The following TDRP variants were observed in gnomAD, a reference collection of about 807,000 sequenced individuals.
TDRP encodes the protein testis development-related protein.
A neutral mutation model predicts 10.5 loss-of-function variants in TDRP; 12 were observed. That is an observed-to-expected ratio of 1.15 (90% CI 0.73 to 1.86). TDRP has a LOEUF of 1.86. Among genes scored for constraint, TDRP ranks in the 40% most tolerant of loss-of-function variants. The pLI, the probability that TDRP is intolerant of heterozygous loss-of-function variation, is 0.00. For missense variants in TDRP, 353 were observed against 229.2 expected (o/e 1.54, Z -3.49); for synonymous variants, 139 against 95.4 (o/e 1.46, Z -2.67).
intron 1 of TDRP, among the ~76,000 whole-genome samples, chr8:503,104 C>CCA (rs1801351014): frequency 6.6e-6 from 1 of 152,052 alleles, no homozygotes; most frequent in African/African-American, 2.4e-5. Context: ...GAATCCAAAG[C>CCA]CACACACTGG....
chr8:511,210 A>T (rs978389719), intron 1 of TDRP, among the ~76,000 whole-genome samples: 1 of 152,220 alleles, frequency 6.6e-6, no homozygotes, highest in Non-Finnish European at 1.5e-5. Context: ...TTTAAAATAC[A>T]ATCCAACTAA....
At position 490,359 on chromosome 8, in the gene TDRP, G is replaced by C. The variant is rs1800933991; in HGVS notation, c.*2040C>G. On this transcript the variant is annotated 3_prime_UTR_variant, in exon 3 of 3. Coordinates refer to ENST00000324079, the MANE Select transcript of TDRP (RefSeq NM_001384899.1). ...GTTTGTCCTCAAATTTTGAGAAATA[G>C]CATAAAGAACTATTTTGCCAACTGT... 1.3e-5 allele frequency: 2 copies of C among 152,180 alleles called. No individual in the cohort carries two copies. The highest frequency in any genetic ancestry group is 2.4e-5 in the African/African-American group (1 of 41,454). 9.4% of individuals were successfully genotyped at this position (152,180 alleles called of 1,614,324 possible).
At chr8:521,729 T>C (rs1327716396) in intron 1 of TDRP, among the ~76,000 whole-genome samples, 10 of 152,208 alleles carry the variant, frequency 6.6e-5, no homozygotes, top group Non-Finnish European at 2.9e-5. Context: ...TTCAGGTCAT[T>C]TGAGATTCTA....
chr8:534,192 T>G (rs1352661769), intron 1 of TDRP, among the ~76,000 whole-genome samples: 1 of 152,244 alleles, frequency 6.6e-6, no homozygotes, highest in Non-Finnish European at 1.5e-5. Context: ...TACAAGGTTG[T>G]AACTTTACAC....
At chr8:504,367 C>T (rs1014362899) in intron 1 of TDRP, among the ~76,000 whole-genome samples, 1 of 152,098 alleles carries the variant, frequency 6.6e-6, no homozygotes, top group African/African-American at 2.4e-5. Flanking sequence ...TGAGTTTTAA[C>T]CTGGGGGTGC....
At chr8:517,804 G>C (rs1801796521) in intron 1 of TDRP, among the ~76,000 whole-genome samples, 1 of 152,196 alleles carries the variant, frequency 6.6e-6, no homozygotes, top group African/African-American at 2.4e-5. Flanking sequence ...ATTTTACAGA[G>C]TTTGGATTTT....
intron 1 of TDRP, among the ~76,000 whole-genome samples, chr8:517,721 G>A (rs1413032985): frequency 3.3e-5 from 5 of 152,120 alleles, no homozygotes; most frequent in Non-Finnish European, 2.9e-5. Context: ...ACAACCTTGG[G>A]TACATGTTCT....
intron 1 of TDRP, among the ~76,000 whole-genome samples, chr8:531,303 G>A (rs374478487): frequency 6.6e-6 from 1 of 152,144 alleles, no homozygotes; most frequent in Admixed American, 6.5e-5. Context: ...GTCAGAGTCC[G>A]TGGGGGAACA....
chr8:493,669 C>G (rs1238777068), intron 2 of TDRP, among the ~76,000 whole-genome samples: 1 of 152,216 alleles, frequency 6.6e-6, no homozygotes, highest in Admixed American at 6.5e-5. Context: ...TTCTGAAACA[C>G]TGATGATAAA....
At chr8:494,451 C>T (rs1405207362) in intron 2 of TDRP, 43 bp downstream of exon 2, 2 of 1,574,632 alleles carry the variant, frequency 1.3e-6, no homozygotes, top group Non-Finnish European at 1.7e-6. Flanking sequence ...GTGACTTCCT[C>T]CCTCTCCTGA....
At chr8:515,281 G>GA (rs969810209) in intron 1 of TDRP, among the ~76,000 whole-genome samples, 4 of 152,020 alleles carry the variant, frequency 2.6e-5, no homozygotes, top group African/African-American at 9.7e-5. Flanking sequence ...CATTCAGACA[G>GA]AAAAAAATGT....
chr8:542,397 T>C (rs1162198151), intron 1 of TDRP, among the ~76,000 whole-genome samples: 1 of 151,816 alleles, frequency 6.6e-6, no homozygotes, highest in Non-Finnish European at 1.5e-5. Flanking sequence ...CCCGTGTAGG[T>C]CCACAGATTG....
In TDRP at chr8:528,404, C is replaced by G. The variant is rs975449503; in HGVS notation, c.108+16246G>C. Among the ~76,000 whole-genome samples, 9 of 130,972 alleles carry G rather than the reference C, an allele frequency of 6.9e-5. 2 individuals are homozygous for G. Among genetic ancestry groups the G allele is most frequent in the African/African-American group, 1.3e-4 (5 of 37,922 alleles). 85.9% of individuals were successfully genotyped at this position (130,972 alleles called of 152,430 possible). A position where few individuals can be genotyped will look rare whatever the true frequency, so the allele number is the denominator to read the frequency against. Reference sequence around the variant, plus strand: ...ACCATAGGATCCAGCAATCCCACTGCTAGATATATACCCAAAAGAAAGGAA... The same window carrying G: ...ACCATAGGATCCAGCAATCCCACTGGTAGATATATACCCAAAAGAAAGGAA... On this transcript the variant is annotated intron_variant, in intron 1 of 2. Transcript: ENST00000324079.
At chr8:518,706 T>G (rs938881735) in intron 1 of TDRP, among the ~76,000 whole-genome samples, 1 of 152,114 alleles carries the variant, frequency 6.6e-6, no homozygotes, top group East Asian at 1.9e-4. Context: ...AAGAAATTCC[T>G]TTCTAAGCCT....
intron 1 of TDRP, among the ~76,000 whole-genome samples, chr8:504,149 C>T (rs1801388597): frequency 6.6e-6 from 1 of 152,360 alleles, no homozygotes; most frequent in Admixed American, 6.5e-5. Context: ...GACCGCAGCC[C>T]TGTCACTGGT....
intron 1 of TDRP, among the ~76,000 whole-genome samples, chr8:532,217 T>A (rs1056668799): frequency 9.9e-5 from 15 of 152,208 alleles, no homozygotes; most frequent in East Asian, 3.9e-4. Context: ...GGAAGGTGCC[T>A]GTGTTGCATC....
chr8:537,690 T>G (rs897535286), intron 1 of TDRP, among the ~76,000 whole-genome samples: 1 of 152,118 alleles, frequency 6.6e-6, no homozygotes, highest in Non-Finnish European at 1.5e-5. Flanking sequence ...AGTCGAATGC[T>G]AAATTAGCCT....
intron 1 of TDRP, among the ~76,000 whole-genome samples, chr8:525,889 C>A (rs1030668393): frequency 2.6e-5 from 4 of 152,082 alleles, no homozygotes; most frequent in African/African-American, 9.7e-5. Context: ...ATTAGTATTT[C>A]TTTAAATGTT....
intron 1 of TDRP, among the ~76,000 whole-genome samples, chr8:509,057 G>C (rs938548111): frequency 2.6e-5 from 4 of 152,230 alleles, no homozygotes; most frequent in Non-Finnish European, 5.9e-5. Context: ...CACACAACCA[G>C]CTCGTGCTGA....
Sources: allele counts gnomAD v4.1 joint callset (sites outside exome capture counted in the v4.1 genomes callset), GRCh38; gene constraint gnomAD v4.1.1; transcripts MANE v1.5; gene names NCBI Gene and HGNC (gene_info 2026-07-23, HGNC 2026-07-21).